Variants in TBX18 observed in about 807,000 individuals in gnomAD.
The protein encoded by TBX18 is T-box transcription factor 18.
A neutral mutation model predicts 55.0 loss-of-function variants in TBX18; 21 were observed. That is an observed-to-expected ratio of 0.38 (90% CI 0.27 to 0.55). TBX18 has a LOEUF of 0.55. Among genes scored for constraint, TBX18 ranks in the 20% least tolerant of loss-of-function variants. The pLI, the probability that TBX18 is intolerant of heterozygous loss-of-function variation, is 0.73. For synonymous variants in TBX18, 342 were observed against 326.1 expected (o/e 1.05, Z -0.53); for missense variants, 840 against 799.6 (o/e 1.05, Z -0.61).
chr6:84,746,824 ATAAAT>A (rs1048038249), intron 5 of TBX18, among the ~76,000 whole-genome samples: 4 of 150,652 alleles, frequency 2.7e-5, no homozygotes, highest in African/African-American at 7.3e-5. Context: ...TAGATAATAA[ATAAAT>A]TATATTATTA....
chr6:84,740,697 C>T (rs1048655774), intron 6 of TBX18, among the ~76,000 whole-genome samples: 4 of 152,062 alleles, frequency 2.6e-5, no homozygotes, highest in Non-Finnish European at 4.4e-5. Context: ...AGAAATACAA[C>T]GATTTTAAAT....
At chr6:84,752,241 G>A (rs1767368969) in intron 4 of TBX18, among the ~76,000 whole-genome samples, 1 of 151,854 alleles carries the variant, frequency 6.6e-6, no homozygotes, top group Admixed American at 6.6e-5. Context: ...GAAAGAGCCT[G>A]AGATCTGACA....
At chr6:84,758,087 T>A (rs970982803) in intron 3 of TBX18, among the ~76,000 whole-genome samples, 1 of 152,002 alleles carries the variant, frequency 6.6e-6, no homozygotes, top group African/African-American at 2.4e-5. Flanking sequence ...ACATATACAA[T>A]CATAAAATTA....
chr6:84,764,401 GTCTC>G lies in TBX18; in HGVS notation c.-224_-221del, dbSNP rs1258902371. 2.0e-5 allele frequency: 12 copies of G among 597,056 alleles called. No homozygotes were observed. The highest frequency in any genetic ancestry group is 2.0e-4 in the African/African-American group (10 of 50,832). The allele number at this position is 597,056 out of a possible 1,614,324, so 37.0% of individuals were successfully genotyped here. ...GCGCCGGCCAAGTCTCCTTTCCTGG[GTCTC>G]TCTCGCGCGCTCTCTCACTGATGCA... is the stretch of plus-strand genomic sequence containing the variant. On this transcript the variant is annotated 5_prime_UTR_variant, in exon 1 of 8. Transcript: ENST00000369663.
At chr6:84,763,095 G>C (rs1320958189) in intron 1 of TBX18, 2 of 411,998 alleles carry the variant, frequency 4.9e-6, no homozygotes, top group Non-Finnish European at 9.0e-6. Context: ...CTTGCCCGAC[G>C]GAGTCAGAGG....
chr6:84,752,128 G>A (rs138171689), intron 4 of TBX18, among the ~76,000 whole-genome samples: 1 of 152,094 alleles, frequency 6.6e-6, no homozygotes, highest in Non-Finnish European at 1.5e-5. Context: ...AATACAGACT[G>A]CATTTGCAGT....
chr6:84,764,391 C>T lies in TBX18; in HGVS notation c.-210G>A. On this transcript the variant is annotated 5_prime_UTR_variant, in exon 1 of 8. Transcript: ENST00000369663. ...AACCGGCGACGCGCCGGCCAAGTCT[C>T]CTTTCCTGGGTCTCTCTCGCGCGCT... 1.5e-6 allele frequency: 1 copy of T among 656,508 alleles called. No homozygotes were observed. The highest frequency in any genetic ancestry group is 2.3e-6 in the Non-Finnish European group (1 of 426,644). The allele number at this position is 656,508 out of a possible 1,614,324, so 40.7% of individuals were successfully genotyped here.
chr6:84,744,061 C>G (rs964050611), intron 6 of TBX18, among the ~76,000 whole-genome samples, 200 bp downstream of exon 6: 39 of 152,160 alleles, frequency 2.6e-4, no homozygotes, highest in African/African-American at 7.7e-4. Context: ...TTCAGCTCAG[C>G]AGCGCACATG....
intron 4 of TBX18, among the ~76,000 whole-genome samples, chr6:84,751,994 A>G (rs1473669703): frequency 6.6e-6 from 1 of 152,238 alleles, no homozygotes; most frequent in Non-Finnish European, 1.5e-5. Context: ...TATGATGCCC[A>G]TCTCCAAAAC....
Position 84,764,430 on chromosome 6 carries a change from A to C in TBX18, c.-249T>G. The C allele has an allele frequency of 2.0e-6, 1 of 490,092 alleles. No homozygotes were observed. The highest frequency in any genetic ancestry group is 3.5e-6 in the Non-Finnish European group (1 of 286,900). The allele number at this position is 490,092 out of a possible 1,614,324, so 30.4% of individuals were successfully genotyped here. A position where few individuals can be genotyped will look rare whatever the true frequency, so the allele number is the denominator to read the frequency against. On this transcript the variant is annotated 5_prime_UTR_variant, in exon 1 of 8. Coordinates refer to ENST00000369663, the MANE Select transcript of TBX18 (RefSeq NM_001080508.3). ...CTCTCGCGCGCTCTCTCACTGATGC[A>C]CTCCTTTGCTCCCACCCCTTCCACC...
At chr6:84,746,952 G>A (rs1767212445) in intron 5 of TBX18, among the ~76,000 whole-genome samples, 2 of 151,848 alleles carry the variant, frequency 1.3e-5, no homozygotes, top group Admixed American at 6.6e-5. Flanking sequence ...GTGGCAACAT[G>A]AGTGTGAGAG....
At chr6:84,762,469 T>C in intron 2 of TBX18, 75 bp downstream of exon 2, 3 of 1,553,070 alleles carry the variant, frequency 1.9e-6, no homozygotes, top group Non-Finnish European at 2.7e-6. Context: ...CAGGCCCTTC[T>C]TCCTGATTGA....
intron 6 of TBX18, among the ~76,000 whole-genome samples, 173 bp from the exon 7 acceptor site, chr6:84,738,764 T>C (rs1049376670): frequency 6.6e-6 from 1 of 152,122 alleles, no homozygotes; most frequent in Non-Finnish European, 1.5e-5. Context: ...TGGGCTAACA[T>C]CCTGTTACCA....
At position 84,745,649 on chromosome 6, in the gene TBX18, C is replaced by T. The variant is rs145787725; in HGVS notation, c.940-1324G>A. On this transcript the variant is annotated intron_variant, in intron 5 of 7. Coordinates refer to ENST00000369663, the MANE Select transcript of TBX18 (RefSeq NM_001080508.3). ...CTGTCATTGAAGGAATTCTTCTTTA[C>T]AGATCAATATAGCTCAATTTTCTGT... 1.2e-3 allele frequency among the ~76,000 whole-genome samples: 187 copies of T among 152,144 alleles called. 1 individual carries two copies. Among genetic ancestry groups the T allele is most frequent in the African/African-American group, 4.2e-3 (173 of 41,522 alleles).
chr6:84,734,944 A>T lies in TBX18; in HGVS notation c.*1741T>A, dbSNP rs1308057662. On this transcript the variant is annotated 3_prime_UTR_variant, in exon 8 of 8. Coordinates refer to ENST00000369663, the MANE Select transcript of TBX18 (RefSeq NM_001080508.3). ...TTAAAAATTTAATACTAATTTGATG[A>T]ACTGCTAAGGAATCCAAAAGGAAAT... The T allele has an allele frequency of 6.6e-6, 1 of 152,224 alleles. No individual in the cohort carries two copies. The highest frequency in any genetic ancestry group is 1.5e-5 in the Non-Finnish European group (1 of 68,040). 9.4% of individuals were successfully genotyped at this position (152,224 alleles called of 1,614,324 possible).
intron 2 of TBX18, among the ~76,000 whole-genome samples, chr6:84,762,162 G>GAAA (rs60538128): frequency 2.7e-5 from 4 of 148,782 alleles, no homozygotes; most frequent in Non-Finnish European, 3.0e-5. Flanking sequence ...AAAGAGAAAG[G>GAAA]AAAAAAAAAA....
intron 2 of TBX18, among the ~76,000 whole-genome samples, chr6:84,761,192 T>G (rs1222294157): frequency 6.6e-6 from 1 of 152,214 alleles, no homozygotes; most frequent in Non-Finnish European, 1.5e-5. Flanking sequence ...GATTTTTAAA[T>G]ATCATTTAAT....
At chr6:84,746,752 T>A (rs565866595) in intron 5 of TBX18, among the ~76,000 whole-genome samples, 2 of 149,938 alleles carry the variant, frequency 1.3e-5, no homozygotes, top group South Asian at 4.2e-4. Flanking sequence ...ATTGAAACAA[T>A]ACAGAGAAGA....
chr6:84,756,644 A>C (rs957238195), intron 4 of TBX18, 54 bp downstream of exon 4: 9 of 1,504,094 alleles, frequency 6.0e-6, no homozygotes, highest in Non-Finnish European at 7.3e-6. Context: ...AGTCAGGCAC[A>C]GTGTAGATGT....
Sources: allele counts gnomAD v4.1 joint callset (sites outside exome capture counted in the v4.1 genomes callset), GRCh38; gene constraint gnomAD v4.1.1; transcripts MANE v1.5; gene names NCBI Gene and HGNC (gene_info 2026-07-23, HGNC 2026-07-21).